The following SPARCL1 variants were observed in gnomAD, a reference collection of about 807,000 sequenced individuals.
SPARCL1 encodes the protein SPARC-like protein 1.
SPARCL1 carries 52 observed loss-of-function variants against 67.1 expected under a neutral mutation model. The ratio of observed to expected loss-of-function variants is 0.78; its 90% CI spans 0.62 to 0.98. SPARCL1 has a LOEUF of 0.98. Ranked by LOEUF, SPARCL1 falls within the 50% of genes least tolerant of loss-of-function variation. SPARCL1 has a pLI of 0.00. For synonymous variants in SPARCL1, 226 were observed against 267.8 expected (o/e 0.84, Z 1.52); for missense variants, 717 against 782.4 (o/e 0.92, Z 1.00).
intron 1 of SPARCL1, among the ~76,000 whole-genome samples, chr4:87,514,854 G>A (rs1275066849): frequency 1.3e-5 from 2 of 152,172 alleles, no homozygotes; most frequent in East Asian, 3.8e-4. Context: ...GACTCAGGGA[G>A]GCTTAATTAG....
chr4:87,503,458 T>C (rs995875834), intron 1 of SPARCL1, among the ~76,000 whole-genome samples: 4 of 152,230 alleles, frequency 2.6e-5, no homozygotes, highest in Non-Finnish European at 5.9e-5. Flanking sequence ...ACTGTGAGTC[T>C]ATATTATTAC....
Position 87,493,837 on chromosome 4 carries a change from G to A in SPARCL1, c.963C>T (p.Leu321=), listed in dbSNP as rs763096205. The A allele has an allele frequency of 1.2e-6, 2 of 1,614,104 alleles. No homozygotes were observed. The highest frequency in any genetic ancestry group is 1.7e-6 in the Non-Finnish European group (2 of 1,180,014). The change falls in exon 4 of 11, where the codon CTC becomes CTT. Residue 321 remains leucine (L), a synonymous_variant. Coordinates refer to ENST00000282470, the MANE Select transcript of SPARCL1 (RefSeq NM_004684.6). The part of the protein sequence containing the change: ...TEEKTVSEAL[L]MEPTDDGNTT... The stretch of plus-strand genomic sequence containing the variant: ...TATTACCATCATCAGTAGGTTCCAT[G>A]AGCAGAGCCTCAGAAACAGTCTTTT...
intron 1 of SPARCL1, among the ~76,000 whole-genome samples, chr4:87,502,130 C>T (rs564432956): frequency 6.6e-6 from 1 of 152,066 alleles, no homozygotes; most frequent in South Asian, 2.1e-4. Context: ...AAAAATTATA[C>T]CTTTATACTT....
chr4:87,509,634 G>A (rs1725261945), intron 1 of SPARCL1, among the ~76,000 whole-genome samples: 1 of 152,178 alleles, frequency 6.6e-6, no homozygotes. Context: ...GGGTCTCTAG[G>A]CTGTCAATAG....
intron 1 of SPARCL1, among the ~76,000 whole-genome samples, chr4:87,527,700 A>T (rs1008527418): frequency 1.3e-5 from 2 of 152,184 alleles, no homozygotes; most frequent in African/African-American, 4.8e-5. Flanking sequence ...TCTCTGAAAG[A>T]AAAAGGCAAG....
chr4:87,476,808 T>G (rs1723603060), intron 10 of SPARCL1, among the ~76,000 whole-genome samples: 1 of 152,192 alleles, frequency 6.6e-6, no homozygotes, highest in South Asian at 2.1e-4. Context: ...GAGGAATATA[T>G]GAGCACGTCT....
chr4:87,504,185 T>TGTGTGTGGG (rs1553970328), intron 1 of SPARCL1, among the ~76,000 whole-genome samples: 109 of 18,894 alleles, frequency 5.8e-3, no homozygotes, highest in Middle Eastern at 0.038. Flanking sequence ...GTGTGTGTGG[T>TGTGTGTGGG]GGGGTGGGGG....
chr4:87,485,493 T>C (rs558459043), intron 7 of SPARCL1, among the ~76,000 whole-genome samples: 15 of 151,950 alleles, frequency 9.9e-5, no homozygotes, highest in Non-Finnish European at 1.5e-4. Context: ...GATTTTCGCA[T>C]CCATGTTCAT....
intron 2 of SPARCL1, among the ~76,000 whole-genome samples, chr4:87,496,883 C>CT (rs993405714): frequency 1.1e-4 from 17 of 151,834 alleles, no homozygotes; most frequent in Admixed American, 6.6e-4. Flanking sequence ...TATTTTTAAA[C>CT]TTTTTTTTGA....
chr4:87,475,306 C>G (rs1723542515), intron 10 of SPARCL1, among the ~76,000 whole-genome samples: 1 of 152,178 alleles, frequency 6.6e-6, no homozygotes, highest in Admixed American at 6.5e-5. Context: ...TTTGACATCT[C>G]AGTCGCATTT....
In SPARCL1 at chr4:87,491,685, C is replaced by A; in HGVS notation, c.1224G>T (p.Lys408Asn). 6.2e-7 allele frequency: 1 copy of A among 1,612,772 alleles called. No homozygotes were observed. Among genetic ancestry groups the A allele is most frequent in the South Asian group, 1.1e-5 (1 of 91,066 alleles). ...CCTCATTTGATGAGTTCTCTGCTTT[C>A]TTGGCCTTTAGAATAACAAGAGCAA... ...TTEPGEHQEA[K>N]KAENSSNEEE... is the part of the protein sequence containing the mutation. Residue 408 changes from lysine (K) to asparagine (N), a missense_variant, in exon 5 of 11, where the codon AAG becomes AAT. Physicochemically the swap from Lys to Asn is moderately conservative, Grantham distance 94. Coordinates refer to ENST00000282470, the MANE Select transcript of SPARCL1 (RefSeq NM_004684.6).
At chr4:87,528,105 G>T (rs1419485650) in intron 1 of SPARCL1, 3 of 152,328 alleles carry the variant, frequency 2.0e-5, no homozygotes, top group African/African-American at 7.2e-5. Flanking sequence ...CAGTGCAAAA[G>T]AGATACTCTT....
At chr4:87,478,805 G>C (rs1723686766) in intron 10 of SPARCL1, among the ~76,000 whole-genome samples, 1 of 152,066 alleles carries the variant, frequency 6.6e-6, no homozygotes, top group South Asian at 2.1e-4. Flanking sequence ...GAAAGAAAAG[G>C]AAACATATTA....
intron 1 of SPARCL1, among the ~76,000 whole-genome samples, chr4:87,516,594 C>T (rs1260602897): frequency 6.6e-6 from 1 of 152,176 alleles, no homozygotes; most frequent in Non-Finnish European, 1.5e-5. Context: ...ACCTCCATTT[C>T]ACAGAACTAC....
chr4:87,506,536 G>T lies in SPARCL1; in HGVS notation c.-11-6951C>A, dbSNP rs138025518. Among the ~76,000 whole-genome samples, 294 of 152,266 alleles carry T rather than the reference G, an allele frequency of 1.9e-3. 1 individual carries two copies. Among genetic ancestry groups the T allele is most frequent in the African/African-American group, 6.9e-3 (286 of 41,548 alleles). ...AAGGGAGAATTCCCTCTCTCTCTCT[G>T]CCTATCTGTTTGAGTTGGGACATTG... On this transcript the variant is annotated intron_variant, in intron 1 of 10. Coordinates refer to ENST00000282470, the MANE Select transcript of SPARCL1 (RefSeq NM_004684.6).
At chr4:87,475,835 G>A (rs1723562066) in intron 10 of SPARCL1, among the ~76,000 whole-genome samples, 1 of 152,134 alleles carries the variant, frequency 6.6e-6, no homozygotes, top group Non-Finnish European at 1.5e-5. Flanking sequence ...ATTTCTCAAA[G>A]AACTTAAAAC....
At chr4:87,497,842 C>T (rs7671296) in intron 2 of SPARCL1, among the ~76,000 whole-genome samples, 16,682 of 152,230 alleles carry the variant, frequency 0.11, 1,000 homozygotes, top group East Asian at 0.15. Flanking sequence ...GCAGCCTCAA[C>T]TACCCTGGCT....
At chr4:87,496,052 TTGGAGA>T in intron 2 of SPARCL1, among the ~76,000 whole-genome samples, 3 of 152,074 alleles carry the variant, frequency 2.0e-5, no homozygotes, top group Non-Finnish European at 4.4e-5. Flanking sequence ...TCTAGCAAGA[TTGGAGA>T]CTTGGATAAA....
intron 1 of SPARCL1, among the ~76,000 whole-genome samples, chr4:87,515,401 TATC>T (rs1465599951): frequency 6.6e-6 from 1 of 152,254 alleles, no homozygotes; most frequent in Non-Finnish European, 1.5e-5. Context: ...TGAAAGATGT[TATC>T]ATATCTTTGA....
Sources: gnomAD v4.1 joint callset for allele counts (sites outside exome capture counted in the v4.1 genomes callset) on GRCh38, gnomAD v4.1.1 for gene constraint, MANE v1.5 for transcripts, NCBI Gene and HGNC (gene_info 2026-07-23, HGNC 2026-07-21) for gene names.